ZNF644: variants seen among roughly 807,000 people sequenced by gnomAD.
ZNF644 encodes the protein zinc finger motif enhancer binding protein 2.
In ZNF644, 20 loss-of-function variants were observed where a neutral mutation model predicts 108.0. That is an observed-to-expected ratio of 0.19 (90% CI 0.13 to 0.27). ZNF644 has a LOEUF of 0.27. Ranked by LOEUF, ZNF644 falls within the 10% of genes least tolerant of loss-of-function variation. The pLI is 1.00. For synonymous variants in ZNF644, 542 were observed against 539.1 expected, an observed-to-expected ratio of 1.01 and a Z score of -0.08; for missense variants, 1,338 against 1,548.9, an observed-to-expected ratio of 0.86 and a Z score of 2.29.
rs1553151437 is a variant in ZNF644 at position 90,950,284 on chromosome 1, GGGAAGGGA to G, written c.45-8983_45-8976del. ...AGAGTGAGATTCCATCTCAAGGGAAGGGAAGGGAAGGGGAGGGGAGGGGACAAAAGAAA... is the reference window on the plus strand; with the variant it reads ...AGAGTGAGATTCCATCTCAAGGGAAGAGGGGAGGGGAGGGGACAAAAGAAA... On this transcript the variant is annotated intron_variant, in intron 2 of 5. Transcript: ENST00000337393. 3.2e-4 allele frequency among the ~76,000 whole-genome samples: 14 copies of G among 43,190 alleles called. 1 individual carries two copies. The highest frequency in any genetic ancestry group is 4.7e-4 in the African/African-American group (5 of 10,616). 28.3% of individuals were successfully genotyped at this position (43,190 alleles called of 152,430 possible). A position where few individuals can be genotyped will look rare whatever the true frequency, so the allele number is the denominator to read the frequency against.
chr1:91,007,220 A>G (rs79834006), intron 1 of ZNF644, among the ~76,000 whole-genome samples: 2,043 of 30,306 alleles, frequency 0.067, 119 homozygotes, highest in Middle Eastern at 0.091. Flanking sequence ...ATTTTCTCCC[A>G]TTTTGTTTTT....
At chr1:90,937,453 T>C (rs1557562968) in intron 4 of ZNF644, 32 bp downstream of exon 4, 1 of 1,613,096 alleles carries the variant, frequency 6.2e-7, no homozygotes, top group African/African-American at 1.3e-5. Flanking sequence ...GCATTTAAAC[T>C]GTGTATAGCA....
intron 2 of ZNF644, among the ~76,000 whole-genome samples, chr1:90,943,784 T>C (rs1652251329): frequency 6.6e-6 from 1 of 151,904 alleles, no homozygotes; most frequent in Non-Finnish European, 1.5e-5. Flanking sequence ...GGGCAGCACA[T>C]AAACATGTGT....
At chr1:91,016,798 G>C (rs960770903) in intron 1 of ZNF644, among the ~76,000 whole-genome samples, 15 of 152,132 alleles carry the variant, frequency 9.9e-5, no homozygotes, top group Non-Finnish European at 1.0e-4. Context: ...TTGTCTATTT[G>C]GCTCAAAATA....
At chr1:90,990,151 G>C (rs1047796624) in intron 1 of ZNF644, among the ~76,000 whole-genome samples, 5 of 152,250 alleles carry the variant, frequency 3.3e-5, no homozygotes, top group African/African-American at 1.2e-4. Context: ...GTCAAAATCT[G>C]GGGGAGAGAG....
chr1:90,941,764 C>T (rs990535877), intron 2 of ZNF644, among the ~76,000 whole-genome samples: 1 of 152,114 alleles, frequency 6.6e-6, no homozygotes, highest in African/African-American at 2.4e-5. Context: ...TATAAATTAT[C>T]AAATATTGCA....
Position 90,940,846 on chromosome 1 carries a change from T to C in ZNF644, c.508A>G (p.Ser170Gly), listed in dbSNP as rs1233157709. The change falls in exon 3 of 6, where the codon AGT becomes GGT. Residue 170 changes from serine (S) to glycine (G), a missense_variant. Physicochemically the swap from Ser to Gly is moderately conservative, Grantham distance 56. Around this residue, in one of 6 missense-constraint regions of ZNF644, gnomAD observed 464 missense variants for 457.9 expected, o/e 1.01. Transcript: ENST00000337393. ...DLQLSTPQKA[S>G]QHQVLFLLSD... Reference sequence around the variant, plus strand: ...AACAAAAATAAAACTTGGTGTTGACTTGCTTTCTGTGGTGTAGACAGCTGA... The same window carrying C: ...AACAAAAATAAAACTTGGTGTTGACCTGCTTTCTGTGGTGTAGACAGCTGA... 1.9e-6 allele frequency: 3 copies of C among 1,613,944 alleles called. No individual in the cohort carries two copies. In the African/African-American group the frequency reaches 4.0e-5, roughly 22 times the overall value.
chr1:90,974,404 A>G lies in ZNF644; in HGVS notation c.44+7906T>C, dbSNP rs150066676. 1.1e-3 allele frequency among the ~76,000 whole-genome samples: 162 copies of G among 152,278 alleles called. 1 individual carries two copies. Among genetic ancestry groups the G allele is most frequent in the African/African-American group, 3.8e-3 (158 of 41,556 alleles). ...ACATCTCGAGTTATAGATAGGTCTC[A>G]TATCTAACTGCCACCTGACATTTCT... On this transcript the variant is annotated intron_variant, in intron 2 of 5. Transcript: ENST00000337393.
intron 1 of ZNF644, among the ~76,000 whole-genome samples, chr1:90,989,642 G>T (rs924301672): frequency 6.6e-6 from 1 of 152,180 alleles, no homozygotes; most frequent in Non-Finnish European, 1.5e-5. Context: ...ACTAGAGGCT[G>T]TTATTTTTAA....
chr1:91,001,122 A>C (rs536876373), intron 1 of ZNF644, among the ~76,000 whole-genome samples: 157 of 152,346 alleles, frequency 1.0e-3, no homozygotes, highest in African/African-American at 3.5e-3. Context: ...AGGAGCTGGT[A>C]CCATTCCTTC....
At chr1:91,017,685 G>A (rs1378531136) in intron 1 of ZNF644, among the ~76,000 whole-genome samples, 1 of 152,242 alleles carries the variant, frequency 6.6e-6, no homozygotes, top group African/African-American at 2.4e-5. Context: ...ACTACTGCCA[G>A]GTGCGGTGGC....
chr1:90,960,273 T>C (rs1654198110), intron 2 of ZNF644, among the ~76,000 whole-genome samples: 1 of 152,070 alleles, frequency 6.6e-6, no homozygotes, highest in Non-Finnish European at 1.5e-5. Flanking sequence ...ACTCGCTGAA[T>C]TGGTAAGAAG....
chr1:91,013,594 C>A (rs1429327755), intron 1 of ZNF644, among the ~76,000 whole-genome samples: 1 of 152,072 alleles, frequency 6.6e-6, no homozygotes, highest in Non-Finnish European at 1.5e-5. Flanking sequence ...CCTATCACTT[C>A]TTTATGGGAA....
chr1:91,015,567 C>CTGGGA (rs1178612481), intron 1 of ZNF644, among the ~76,000 whole-genome samples: 6 of 152,126 alleles, frequency 3.9e-5, no homozygotes, highest in African/African-American at 1.4e-4. Flanking sequence ...AAAGACAAAC[C>CTGGGA]AATGCACTGG....
At chr1:90,950,623 C>A (rs1340162301) in intron 2 of ZNF644, among the ~76,000 whole-genome samples, 1 of 151,918 alleles carries the variant, frequency 6.6e-6, no homozygotes, top group African/African-American at 2.4e-5. Context: ...CAAAGAAAAA[C>A]TGACAAATCA....
At chr1:90,989,455 A>T (rs1318583036) in intron 1 of ZNF644, among the ~76,000 whole-genome samples, 1 of 152,166 alleles carries the variant, frequency 6.6e-6, no homozygotes, top group Non-Finnish European at 1.5e-5. Context: ...AGGTGGGAGG[A>T]TCACTTGAAC....
intron 2 of ZNF644, among the ~76,000 whole-genome samples, chr1:90,976,532 C>G (rs1483433807): frequency 6.6e-6 from 1 of 152,122 alleles, no homozygotes; most frequent in African/African-American, 2.4e-5. Context: ...TTATGGTTTC[C>G]TGTTCACATA....
chr1:90,996,303 T>C (rs1482894676), intron 1 of ZNF644, among the ~76,000 whole-genome samples: 1 of 152,174 alleles, frequency 6.6e-6, no homozygotes, highest in Non-Finnish European at 1.5e-5. Flanking sequence ...ATCTCCTCCA[T>C]AAACCCAGCA....
At chr1:90,958,521 A>G (rs1211596247) in intron 2 of ZNF644, among the ~76,000 whole-genome samples, 1 of 152,180 alleles carries the variant, frequency 6.6e-6, no homozygotes, top group African/African-American at 2.4e-5. Context: ...CAACAAAAAC[A>G]GTACCGAGAA....
Sources: allele counts gnomAD v4.1 joint callset (sites outside exome capture counted in the v4.1 genomes callset), GRCh38; gene constraint gnomAD v4.1.1; regional missense constraint gnomAD v4.1.1; transcripts MANE v1.5; gene names NCBI Gene and HGNC (gene_info 2026-07-23, HGNC 2026-07-21).